Variants in MYO6 observed in about 807,000 individuals in gnomAD.
MYO6 encodes unconventional myosin-VI.
MYO6 carries 74 observed loss-of-function variants against 178.7 expected under a neutral mutation model. The observed-to-expected ratio is 0.41, with a 90% CI of 0.34 to 0.50. The LOEUF is 0.50. MYO6 is among the 20% of genes least tolerant of loss of function. MYO6 has a pLI of 0.09. For synonymous variants in MYO6, 477 were observed against 504.6 expected, an observed-to-expected ratio of 0.95 and a Z score of 0.73; for missense variants, 1,330 against 1,547.4, an observed-to-expected ratio of 0.86 and a Z score of 2.36.
intron 1 of MYO6, among the ~76,000 whole-genome samples, chr6:75,759,256 A>C (rs536697366): frequency 6.6e-6 from 1 of 152,136 alleles, no homozygotes; most frequent in East Asian, 1.9e-4. Context: ...GAATAATCAG[A>C]CTTGGCATTG....
At chr6:75,860,707 A>G (rs1195125453) in intron 14 of MYO6, among the ~76,000 whole-genome samples, 1 of 152,218 alleles carries the variant, frequency 6.6e-6, no homozygotes, top group African/African-American at 2.4e-5. Context: ...AGAAGACACA[A>G]GACATATTTG....
intron 7 of MYO6, among the ~76,000 whole-genome samples, 174 bp downstream of exon 7, chr6:75,836,130 C>T (rs1773619731): frequency 6.6e-6 from 1 of 152,164 alleles, no homozygotes; most frequent in Non-Finnish European, 1.5e-5. Flanking sequence ...TGCCCCCACC[C>T]GCACCTCATG....
chr6:75,910,951 A>G (rs1780714984), intron 32 of MYO6, among the ~76,000 whole-genome samples: 3 of 152,100 alleles, frequency 2.0e-5, no homozygotes, highest in Admixed American at 6.6e-5. Context: ...GTAGCTTCGT[A>G]TTGTTGACTT....
At chr6:75,776,306 AT>A (rs1766379102) in intron 1 of MYO6, among the ~76,000 whole-genome samples, 1 of 152,236 alleles carries the variant, frequency 6.6e-6, no homozygotes, top group African/African-American at 2.4e-5. Flanking sequence ...TCAACATAAA[AT>A]TTCTCAGAGG....
intron 1 of MYO6, among the ~76,000 whole-genome samples, chr6:75,808,486 CAG>C (rs1287028509): frequency 6.6e-6 from 1 of 152,148 alleles, no homozygotes; most frequent in African/African-American, 2.4e-5. Context: ...TCTCCAAATA[CAG>C]AGACATTGAG....
chr6:75,755,324 G>C (rs1562110509), intron 1 of MYO6, among the ~76,000 whole-genome samples: 1 of 152,164 alleles, frequency 6.6e-6, no homozygotes, highest in Admixed American at 6.5e-5. Context: ...TCCCAAAGTA[G>C]TAAGTCCTCC....
chr6:75,752,934 A>T (rs1006224302), intron 1 of MYO6, among the ~76,000 whole-genome samples: 1 of 152,242 alleles, frequency 6.6e-6, no homozygotes, highest in Non-Finnish European at 1.5e-5. Context: ...ATAATTATTT[A>T]TGCAGTAGCT....
chr6:75,762,084 A>G (rs1778004443), intron 1 of MYO6, among the ~76,000 whole-genome samples: 1 of 152,110 alleles, frequency 6.6e-6, no homozygotes, highest in South Asian at 2.1e-4. Context: ...GGCGTCAGCC[A>G]CCACGCCCAG....
intron 30 of MYO6, among the ~76,000 whole-genome samples, chr6:75,903,168 G>C (rs12199094): frequency 6.6e-6 from 1 of 151,754 alleles, no homozygotes; most frequent in Non-Finnish European, 1.5e-5. Context: ...TTTTGGAATA[G>C]GTGTGGTGTG....
intron 28 of MYO6, among the ~76,000 whole-genome samples, chr6:75,894,557 C>T (rs1474187639): frequency 6.7e-6 from 1 of 149,062 alleles, no homozygotes; most frequent in Non-Finnish European, 1.5e-5. Context: ...ATTAGCACTT[C>T]ATTATGAATG....
intron 1 of MYO6, among the ~76,000 whole-genome samples, chr6:75,806,678 G>A (rs1648143105): frequency 6.6e-6 from 1 of 152,232 alleles, no homozygotes; most frequent in Non-Finnish European, 1.5e-5. Flanking sequence ...ACATTCTTAA[G>A]CCACAAACAA....
chr6:75,797,260 C>A (rs1768957125), intron 1 of MYO6, among the ~76,000 whole-genome samples: 1 of 151,918 alleles, frequency 6.6e-6, no homozygotes, highest in East Asian at 1.9e-4. Flanking sequence ...TGGCTAATTT[C>A]ATTTGTATTT....
rs78035656 is a variant in MYO6 at position 75,865,866 on chromosome 6, C to A, written c.1675-660C>A. On this transcript the variant is annotated intron_variant, in intron 16 of 34. Transcript: ENST00000369977. ...TATTATTTGAAACGGTAGGAGAGTCCCTTTGCTGATGTCAGGTGTTTCTTT... is the reference window on the plus strand; with the variant it reads ...TATTATTTGAAACGGTAGGAGAGTCACTTTGCTGATGTCAGGTGTTTCTTT... 1.2e-3 allele frequency among the ~76,000 whole-genome samples: 189 copies of A among 152,074 alleles called. 4 individuals carry two copies. In the East Asian group the frequency reaches 0.035, roughly 28 times the overall value.
chr6:75,754,492 C>T (rs1166149217), intron 1 of MYO6, among the ~76,000 whole-genome samples: 1 of 120,240 alleles, frequency 8.3e-6, no homozygotes, highest in Non-Finnish European at 1.6e-5. Flanking sequence ...TGCAGTCCAG[C>T]CTGGACGATT....
chr6:75,836,547 CTG>C (rs975311193), intron 7 of MYO6, among the ~76,000 whole-genome samples: 22 of 151,500 alleles, frequency 1.5e-4, no homozygotes, highest in African/African-American at 5.3e-4. Context: ...AATCCAGTCT[CTG>C]TATAGAATTT....
chr6:75,836,168 T>C (rs75803418), intron 7 of MYO6, among the ~76,000 whole-genome samples: 1 of 152,324 alleles, frequency 6.6e-6, no homozygotes, highest in South Asian at 2.1e-4. Flanking sequence ...GGGATTTTTG[T>C]TTCATATTCC....
chr6:75,894,778 T>C, intron 28 of MYO6: 3 of 1,464,182 alleles, frequency 2.0e-6, no homozygotes, highest in South Asian at 2.6e-5. Context: ...ATAGATAGAT[T>C]CTGCTTCAAT....
intron 1 of MYO6, among the ~76,000 whole-genome samples, chr6:75,789,703 CA>C (rs1397622288): frequency 8.5e-5 from 13 of 152,108 alleles, no homozygotes; most frequent in Admixed American, 4.6e-4. Flanking sequence ...GTATAATGAT[CA>C]AAGTATATTT....
chr6:75,905,578 G>C (rs1055959080), intron 30 of MYO6, among the ~76,000 whole-genome samples: 5 of 152,200 alleles, frequency 3.3e-5, no homozygotes, highest in African/African-American at 1.2e-4. Flanking sequence ...TGCTTTGGCT[G>C]GCACACGGTG....
Sources: gnomAD v4.1 joint callset for allele counts (sites outside exome capture counted in the v4.1 genomes callset) on GRCh38, gnomAD v4.1.1 for gene constraint, MANE v1.5 for transcripts, NCBI Gene and HGNC (gene_info 2026-07-23, HGNC 2026-07-21) for gene names.